Variants in TXNRD1 observed in about 807,000 individuals in gnomAD.
TXNRD1 encodes thioredoxin reductase 1, also known as thioredoxin reductase 1, cytoplasmic.
A neutral mutation model predicts 80.3 loss-of-function variants in TXNRD1; 57 were observed. The observed-to-expected ratio is 0.71, with a 90% CI of 0.57 to 0.89. TXNRD1 has a LOEUF of 0.89. TXNRD1 is among the 40% of genes least tolerant of loss of function. TXNRD1 has a pLI of 0.00. For missense variants in TXNRD1, 730 were observed against 803.0 expected (o/e 0.91, Z 1.10); for synonymous variants, 291 against 285.2 (o/e 1.02, Z -0.20).
intron 4 of TXNRD1, 48 bp from the exon 5 acceptor site, chr12:104,311,242 T>C: frequency 6.6e-7 from 1 of 1,516,514 alleles, no homozygotes; most frequent in South Asian, 1.3e-5. Context: ...TTTTTGGACA[T>C]TGCTGATTTT....
At chr12:104,314,984 C>T (rs2035273157) in intron 6 of TXNRD1, among the ~76,000 whole-genome samples, 1 of 152,072 alleles carries the variant, frequency 6.6e-6, no homozygotes, top group South Asian at 2.1e-4. Context: ...CTCAAATGAT[C>T]CACCCGCCTC....
intron 2 of TXNRD1, among the ~76,000 whole-genome samples, chr12:104,255,816 T>G (rs2033236698): frequency 6.6e-6 from 1 of 152,190 alleles, no homozygotes; most frequent in Non-Finnish European, 1.5e-5. Context: ...CATATAGTCA[T>G]CCTGGCAAAT....
intron 3 of TXNRD1, among the ~76,000 whole-genome samples, chr12:104,260,314 A>G (rs1204558454): frequency 6.6e-6 from 1 of 152,146 alleles, no homozygotes; most frequent in East Asian, 1.9e-4. Context: ...CTAAAAATAC[A>G]AAATTAGCCG....
rs1593896219 is a variant in TXNRD1 at position 104,348,632 on chromosome 12, C to CCT, written c.*211_*212insCT. On this transcript the variant is annotated 3_prime_UTR_variant, in exon 17 of 17. Coordinates refer to ENST00000525566, the MANE Select transcript of TXNRD1 (RefSeq NM_001093771.3). ...ACTGGGGTCACTGACAGACTTGAAG[C>CCT]TGACATTTGGCAGGGCATCGAAGGG... 20 of 550,520 alleles carry CCT rather than the reference C, an allele frequency of 3.6e-5. No individual in the cohort carries two copies. In the East Asian group the frequency reaches 5.9e-4, roughly 16 times the overall value. 34.1% of individuals were successfully genotyped at this position (550,520 alleles called of 1,614,324 possible).
chr12:104,253,033 C>T (rs2033163947), intron 2 of TXNRD1, among the ~76,000 whole-genome samples: 1 of 152,032 alleles, frequency 6.6e-6, no homozygotes, highest in Non-Finnish European at 1.5e-5. Context: ...TTTCTCTCAA[C>T]TTGTCTGCCC....
At chr12:104,318,891 T>C (rs762260225) in intron 7 of TXNRD1, 22 bp from the exon 8 acceptor site, 8 of 1,583,988 alleles carry the variant, frequency 5.1e-6, no homozygotes, top group South Asian at 1.2e-5. Context: ...CAAACAAGAT[T>C]TTGTTTTATT....
intron 1 of TXNRD1, among the ~76,000 whole-genome samples, chr12:104,249,740 C>T (rs1337318103): frequency 6.6e-6 from 1 of 151,894 alleles, no homozygotes; most frequent in Non-Finnish European, 1.5e-5. Context: ...TCAAGACCAT[C>T]CTGGCTAACA....
intron 14 of TXNRD1, among the ~76,000 whole-genome samples, chr12:104,332,121 A>G (rs1347617438): frequency 6.6e-6 from 1 of 152,182 alleles, no homozygotes; most frequent in Admixed American, 6.5e-5. Flanking sequence ...CACTGCTCCT[A>G]CCATTAGTAC....
intron 3 of TXNRD1, chr12:104,287,318 G>C: frequency 6.2e-7 from 1 of 1,614,000 alleles, no homozygotes; most frequent in Non-Finnish European, 8.5e-7. Flanking sequence ...GTTTCGACCC[G>C]GTCACACAAA....
intron 4 of TXNRD1, among the ~76,000 whole-genome samples, chr12:104,299,550 C>T (rs1193338027): frequency 4.6e-5 from 7 of 151,920 alleles, no homozygotes; most frequent in East Asian, 1.9e-4. Context: ...GGGCGGATCA[C>T]GAGGTCAGGA....
chr12:104,338,706 A>G (rs2036225314), intron 15 of TXNRD1, among the ~76,000 whole-genome samples: 1 of 151,870 alleles, frequency 6.6e-6, no homozygotes, highest in Admixed American at 6.6e-5. Context: ...TCAAAAAAAA[A>G]AAAAAGTCTC....
chr12:104,316,894 G>T (rs747527066), intron 7 of TXNRD1, among the ~76,000 whole-genome samples: 3 of 152,130 alleles, frequency 2.0e-5, no homozygotes, highest in Non-Finnish European at 2.9e-5. Context: ...TAAACATTTT[G>T]TGGCTTTTTT....
intron 1 of TXNRD1, among the ~76,000 whole-genome samples, chr12:104,233,285 T>G (rs1183918736): frequency 7.1e-6 from 1 of 140,992 alleles, no homozygotes; most frequent in Non-Finnish European, 1.5e-5. Context: ...TTTCTAACAT[T>G]TATTATTTAT....
intron 15 of TXNRD1, among the ~76,000 whole-genome samples, chr12:104,338,277 G>T (rs1472119921): frequency 6.6e-6 from 1 of 151,834 alleles, no homozygotes; most frequent in African/African-American, 2.4e-5. Context: ...TCATAAAATT[G>T]AGTAAACACT....
At chr12:104,320,997 CT>C in intron 9 of TXNRD1, 93 bp from the exon 10 acceptor site, 1 of 871,226 alleles carries the variant, frequency 1.1e-6, no homozygotes, top group Non-Finnish European at 1.8e-6. Flanking sequence ...AAAGTATGTT[CT>C]TGTCAAAGTA....
intron 16 of TXNRD1, among the ~76,000 whole-genome samples, chr12:104,339,773 T>C (rs898776253): frequency 6.6e-6 from 1 of 152,244 alleles, no homozygotes; most frequent in Non-Finnish European, 1.5e-5. Flanking sequence ...AGTTGAATAT[T>C]GTAATACTTA....
chr12:104,238,974 G>C (rs899875771), intron 1 of TXNRD1, among the ~76,000 whole-genome samples: 3 of 151,928 alleles, frequency 2.0e-5, no homozygotes, highest in African/African-American at 7.3e-5. Context: ...AGCCTCCCAA[G>C]TAGCTGGGAT....
chr12:104,257,375 T>C (rs1456249492), intron 2 of TXNRD1, among the ~76,000 whole-genome samples: 1 of 151,000 alleles, frequency 6.6e-6, no homozygotes, highest in Non-Finnish European at 1.5e-5. Flanking sequence ...TGCCACATAA[T>C]GCTTTGGAAA....
chr12:104,245,660 A>G (rs2032968571), intron 1 of TXNRD1, among the ~76,000 whole-genome samples: 1 of 151,164 alleles, frequency 6.6e-6, no homozygotes, highest in South Asian at 2.1e-4. Flanking sequence ...AAAAAAAAAA[A>G]AAAAAAAAAA....
Sources: gnomAD v4.1 joint callset for allele counts (sites outside exome capture counted in the v4.1 genomes callset) on GRCh38, gnomAD v4.1.1 for gene constraint, MANE v1.5 for transcripts, NCBI Gene and HGNC (gene_info 2026-07-23, HGNC 2026-07-21) for gene names.